Variants in CORIN observed in about 807,000 individuals in gnomAD.
The protein encoded by CORIN is atrial natriuretic peptide-converting enzyme.
CORIN carries 117 observed loss-of-function variants against 125.3 expected under a neutral mutation model. The observed-to-expected ratio is 0.93, with a 90% CI of 0.80 to 1.09. CORIN has a LOEUF of 1.09. Among genes scored for constraint, CORIN ranks in the 50% least tolerant of loss-of-function variants. The probability of loss-of-function intolerance (pLI) is 0.00; values close to 1 mark genes in which losing one functional copy is unlikely to be tolerated. For missense variants in CORIN, 1,253 were observed against 1,306.7 expected (o/e 0.96, Z 0.63); for synonymous variants, 450 against 466.4 (o/e 0.96, Z 0.45).
intron 1 of CORIN, among the ~76,000 whole-genome samples, chr4:47,828,795 G>T (rs1732844635): frequency 6.6e-6 from 1 of 152,072 alleles, no homozygotes; most frequent in Admixed American, 6.6e-5. Flanking sequence ...TCGTTATTGA[G>T]CATGTGCAGT....
chr4:47,757,747 T>C (rs2109859813), intron 4 of CORIN, among the ~76,000 whole-genome samples: 1 of 150,740 alleles, frequency 6.6e-6, no homozygotes, highest in East Asian at 1.9e-4. Flanking sequence ...GAAAAGGAAA[T>C]TGTACCTAAA....
At chr4:47,764,034 T>C (rs1161654218) in intron 3 of CORIN, among the ~76,000 whole-genome samples, 3 of 152,286 alleles carry the variant, frequency 2.0e-5, no homozygotes, top group East Asian at 1.9e-4. Flanking sequence ...TAGTTTACAA[T>C]TTTTAAAAGA....
intron 5 of CORIN, among the ~76,000 whole-genome samples, chr4:47,710,792 C>T (rs1726805712): frequency 6.6e-6 from 1 of 152,246 alleles, no homozygotes; most frequent in South Asian, 2.1e-4. Flanking sequence ...CTAATTATCC[C>T]ACATGCATGC....
Position 47,630,414 on chromosome 4 carries a change from G to A in CORIN, c.2199-3893C>T, listed in dbSNP as rs149270433. Among the ~76,000 whole-genome samples the A allele has an allele frequency of 2.7e-3, 418 of 152,238 alleles. 1 individual carries two copies. Among genetic ancestry groups the A allele is most frequent in the Admixed American group, 6.7e-3 (102 of 15,290 alleles). ...GCTTTTGACTTAAATAATTGAAACC[G>A]TTTTGTATTATATGAAAAGACAAAA... On this transcript the variant is annotated intron_variant, in intron 16 of 21. Coordinates refer to ENST00000273857, the MANE Select transcript of CORIN (RefSeq NM_006587.4).
chr4:47,751,244 ACTC>A (rs1728884525), intron 4 of CORIN, among the ~76,000 whole-genome samples: 2 of 151,718 alleles, frequency 1.3e-5, no homozygotes, highest in African/African-American at 4.8e-5. Flanking sequence ...CACTTCTACC[ACTC>A]CTCCTTCACA....
In CORIN at chr4:47,595,366, T is replaced by C. The variant is rs1393243892; in HGVS notation, c.*355A>G. Reference sequence around the variant, plus strand: ...TCAGCCTAAATATCTATGTCTTTTTTTGTGATAGGATAAAAGAGACCATTC... The same window carrying C: ...TCAGCCTAAATATCTATGTCTTTTTCTGTGATAGGATAAAAGAGACCATTC... On this transcript the variant is annotated 3_prime_UTR_variant, in exon 22 of 22. Transcript: ENST00000273857. 1 of 160,600 alleles carries C rather than the reference T, an allele frequency of 6.2e-6. No homozygotes were observed. Among genetic ancestry groups the C allele is most frequent in the African/African-American group, 2.4e-5 (1 of 41,778 alleles). The allele number at this position is 160,600 out of a possible 1,614,324, so 9.9% of individuals were successfully genotyped here. A position where few individuals can be genotyped will look rare whatever the true frequency, so the allele number is the denominator to read the frequency against.
intron 1 of CORIN, among the ~76,000 whole-genome samples, chr4:47,833,355 A>G (rs1359619371): frequency 6.6e-6 from 1 of 152,158 alleles, no homozygotes. Flanking sequence ...ATGCAAAAGA[A>G]TAACATTGGA....
chr4:47,753,483 T>C (rs1185977485), intron 4 of CORIN, among the ~76,000 whole-genome samples: 1 of 152,026 alleles, frequency 6.6e-6, no homozygotes, highest in Non-Finnish European at 1.5e-5. Context: ...GACCAGGGCG[T>C]ATTTCAGTCC....
At chr4:47,706,979 T>C in intron 5 of CORIN, 1 of 1,569,076 alleles carries the variant, frequency 6.4e-7, no homozygotes, top group African/African-American at 1.4e-5. Context: ...GCTCCACCGT[T>C]ACCGCTAATA....
chr4:47,783,174 T>C (rs975536373), intron 3 of CORIN, among the ~76,000 whole-genome samples: 1 of 151,942 alleles, frequency 6.6e-6, no homozygotes, highest in South Asian at 2.1e-4. Flanking sequence ...TAAAGTTAAA[T>C]ATATATTTAA....
At chr4:47,646,946 T>G (rs1723517235) in intron 13 of CORIN, among the ~76,000 whole-genome samples, 1 of 152,176 alleles carries the variant, frequency 6.6e-6, no homozygotes, top group Non-Finnish European at 1.5e-5. Context: ...AAAACAATTA[T>G]AAAAATAAGT....
At chr4:47,720,904 G>T (rs1362510328) in intron 5 of CORIN, among the ~76,000 whole-genome samples, 1 of 152,196 alleles carries the variant, frequency 6.6e-6, no homozygotes, top group Non-Finnish European at 1.5e-5. Context: ...TCAGATCACA[G>T]CTCAGTCAAG....
chr4:47,641,577 A>G (rs1175453703), intron 16 of CORIN, among the ~76,000 whole-genome samples: 4 of 151,230 alleles, frequency 2.6e-5, no homozygotes, highest in Admixed American at 2.0e-4. Flanking sequence ...GAAATTTTCA[A>G]TAACCTCTTG....
At chr4:47,600,923 A>G (rs548276607) in intron 20 of CORIN, among the ~76,000 whole-genome samples, 1 of 152,372 alleles carries the variant, frequency 6.6e-6, no homozygotes, top group African/African-American at 2.4e-5. Context: ...GTATTGACAG[A>G]GAGAATATGT....
chr4:47,764,818 G>A (rs1414166516), intron 3 of CORIN, among the ~76,000 whole-genome samples: 1 of 152,150 alleles, frequency 6.6e-6, no homozygotes, highest in Non-Finnish European at 1.5e-5. Context: ...ATAGTAATAT[G>A]TAATACACCT....
Position 47,768,747 on chromosome 4 carries a change from G to GA in CORIN, c.410-5162dup, listed in dbSNP as rs1397585847. ...AGCCATACGACCATCTCAAAAGACAGAAAAAACACTTGAGAAAATTAAACA... is the reference window on the plus strand; with the variant it reads ...AGCCATACGACCATCTCAAAAGACAGAAAAAAACACTTGAGAAAATTAAACA... On this transcript the variant is annotated intron_variant, in intron 3 of 21. Transcript: ENST00000273857. Among the ~76,000 whole-genome samples, 6 of 152,168 alleles carry GA rather than the reference G, an allele frequency of 3.9e-5. No individual in the cohort carries two copies. The East Asian group carries it at 5.8e-4, about 15-fold the overall frequency.
intron 5 of CORIN, 25 bp from the exon 6 acceptor site, chr4:47,693,108 T>C (rs370890924): frequency 1.4e-6 from 2 of 1,450,972 alleles, no homozygotes; most frequent in African/African-American, 1.4e-5. Context: ...CAGGAAATAA[T>C]GTCAGAATAA....
At chr4:47,628,587 C>T (rs1722681219) in intron 16 of CORIN, among the ~76,000 whole-genome samples, 1 of 152,002 alleles carries the variant, frequency 6.6e-6, no homozygotes, top group South Asian at 2.1e-4. Flanking sequence ...TCCACATTAC[C>T]AAATCTTTGT....
At chr4:47,626,604 T>C (rs1013596693) in intron 16 of CORIN, 83 bp from the exon 17 acceptor site, 3 of 871,884 alleles carry the variant, frequency 3.4e-6, no homozygotes, top group African/African-American at 3.3e-5. Flanking sequence ...ACTCATTCCC[T>C]TTCAAAAAGA....
Sources: allele counts gnomAD v4.1 joint callset (sites outside exome capture counted in the v4.1 genomes callset), GRCh38; gene constraint gnomAD v4.1.1; transcripts MANE v1.5; gene names NCBI Gene and HGNC (gene_info 2026-07-23, HGNC 2026-07-21).